Variants in GADL1 observed in about 807,000 individuals in gnomAD.
The protein encoded by GADL1 is GAD like acidic amino acid decarboxylase 1.
In GADL1, 71 loss-of-function variants were observed where a neutral mutation model predicts 69.5. That is an observed-to-expected ratio of 1.02 (90% CI 0.84 to 1.25). The LOEUF (loss-of-function observed/expected upper bound fraction) is 1.25, where lower values mean the gene tolerates loss of function less well. Among genes scored for constraint, GADL1 ranks in the 50% most tolerant of loss-of-function variants. GADL1 has a pLI of 0.00. For missense variants in GADL1, 737 were observed against 631.8 expected (o/e 1.17, Z -1.79); for synonymous variants, 254 against 214.4 (o/e 1.18, Z -1.62).
intron 11 of GADL1, among the ~76,000 whole-genome samples, chr3:30,820,551 T>A (rs1697554661): frequency 6.6e-6 from 1 of 152,180 alleles, no homozygotes; most frequent in Non-Finnish European, 1.5e-5. Context: ...ACATCAGCCT[T>A]AGCAGTTAGA....
At chr3:30,757,710 C>T (rs1316302322) in intron 14 of GADL1, among the ~76,000 whole-genome samples, 1 of 152,100 alleles carries the variant, frequency 6.6e-6, no homozygotes, top group Non-Finnish European at 1.5e-5. Flanking sequence ...ATCAGATTCA[C>T]AAAATCACAA....
intron 14 of GADL1, among the ~76,000 whole-genome samples, chr3:30,731,143 GC>G (rs1176411568): frequency 6.6e-6 from 1 of 152,190 alleles, no homozygotes; most frequent in Non-Finnish European, 1.5e-5. Context: ...AGCTAGAAGG[GC>G]CACAGACTAT....
At chr3:30,757,541 A>AT (rs1347528225) in intron 14 of GADL1, among the ~76,000 whole-genome samples, 1 of 152,220 alleles carries the variant, frequency 6.6e-6, no homozygotes, top group Non-Finnish European at 1.5e-5. Flanking sequence ...ATGTAATGCT[A>AT]TTAGTAAATA....
Position 30,743,030 on chromosome 3 carries a change from A to G in GADL1, c.1393-14615T>C, listed in dbSNP as rs527600351. Among the ~76,000 whole-genome samples, 20 of 152,044 alleles carry G rather than the reference A, an allele frequency of 1.3e-4. No individual in the cohort carries two copies. In the South Asian group the frequency reaches 3.3e-3, roughly 25 times the overall value. The stretch of plus-strand genomic sequence containing the variant: ...GTATGCTACACCAGCTGACTAATCC[A>G]TCTCCTCAGATGGTTTTTCAGAGTC... On this transcript the variant is annotated intron_variant, in intron 14 of 14. Transcript: ENST00000282538.
At chr3:30,893,185 A>T (rs1409343021) in intron 1 of GADL1, among the ~76,000 whole-genome samples, 1 of 152,218 alleles carries the variant, frequency 6.6e-6, no homozygotes, top group Non-Finnish European at 1.5e-5. Context: ...GTATGTGCTG[A>T]CCCTAGAAAC....
intron 1 of GADL1, among the ~76,000 whole-genome samples, chr3:30,892,893 T>C (rs780037997): frequency 6.6e-6 from 1 of 152,250 alleles, no homozygotes; most frequent in Non-Finnish European, 1.5e-5. Flanking sequence ...TCTTGCTCTG[T>C]CACCTAGGCT....
chr3:30,839,426 G>A (rs946496813), intron 8 of GADL1, among the ~76,000 whole-genome samples: 7 of 149,680 alleles, frequency 4.7e-5, no homozygotes, highest in African/African-American at 1.5e-4. Flanking sequence ...AACTTCAGCT[G>A]CAACAGCAAA....
chr3:30,784,851 G>A (rs1246966116), intron 13 of GADL1, among the ~76,000 whole-genome samples: 1 of 152,102 alleles, frequency 6.6e-6, no homozygotes, highest in African/African-American at 2.4e-5. Flanking sequence ...ACCTGCTCTG[G>A]TCTCTGCCCA....
chr3:30,770,986 ATT>A (rs1255312612), intron 14 of GADL1, among the ~76,000 whole-genome samples: 1 of 152,208 alleles, frequency 6.6e-6, no homozygotes. Context: ...GTAATAACAA[ATT>A]TTATGCGTTG....
intron 11 of GADL1, among the ~76,000 whole-genome samples, chr3:30,824,994 A>C (rs1697659591): frequency 6.6e-6 from 1 of 151,942 alleles, no homozygotes; most frequent in Admixed American, 6.6e-5. Flanking sequence ...AGCCTACCAG[A>C]GAATGAACTA....
chr3:30,853,937 T>C (rs1179903812), intron 4 of GADL1, among the ~76,000 whole-genome samples: 1 of 152,108 alleles, frequency 6.6e-6, no homozygotes, highest in Non-Finnish European at 1.5e-5. Flanking sequence ...TCAATGGCTT[T>C]TTGTTACATT....
chr3:30,730,929 C>T (rs906258187), intron 14 of GADL1, among the ~76,000 whole-genome samples: 30 of 152,040 alleles, frequency 2.0e-4, no homozygotes, highest in African/African-American at 6.8e-4. Context: ...AACCTCTGAC[C>T]CACCATATTG....
At chr3:30,766,208 A>C (rs1020869085) in intron 14 of GADL1, among the ~76,000 whole-genome samples, 1 of 152,202 alleles carries the variant, frequency 6.6e-6, no homozygotes, top group African/African-American at 2.4e-5. Context: ...CCAAGAATGA[A>C]GAGGTGGTAG....
rs1157035954 is a variant in GADL1 at position 30,778,398 on chromosome 3, A to AT, written c.1303-131dup. 3 of 627,904 alleles carry AT rather than the reference A, an allele frequency of 4.8e-6. No homozygotes were observed. In the African/African-American group the frequency reaches 5.6e-5, roughly 12 times the overall value. 38.9% of individuals were successfully genotyped at this position (627,904 alleles called of 1,614,324 possible). A position where few individuals can be genotyped will look rare whatever the true frequency, so the allele number is the denominator to read the frequency against. ...TATAAAATTTTAACATCAGAATCTT[A>AT]TAGAGTAACAATCCCTTCTGCCTTC... On this transcript the variant is annotated intron_variant, in intron 13 of 14. Transcript: ENST00000282538.
intron 14 of GADL1, among the ~76,000 whole-genome samples, chr3:30,739,630 T>C (rs1695588844): frequency 6.6e-6 from 1 of 152,204 alleles, no homozygotes; most frequent in Non-Finnish European, 1.5e-5. Context: ...TATTCAGCTA[T>C]AGTGCATCCT....
At chr3:30,805,006 G>A (rs1421153014) in intron 11 of GADL1, among the ~76,000 whole-genome samples, 1 of 152,190 alleles carries the variant, frequency 6.6e-6, no homozygotes, top group Non-Finnish European at 1.5e-5. Flanking sequence ...ATACAGTAAA[G>A]AGAAGCCAAT....
rs117820639 is a variant in GADL1, at chr3:30,815,399, T to C, written c.1051-14311A>G. Among the ~76,000 whole-genome samples, 3 of 152,270 alleles carry C rather than the reference T, an allele frequency of 2.0e-5. No homozygotes were observed. In the East Asian group the frequency reaches 5.8e-4, roughly 29 times the overall value. Reference sequence around the variant, plus strand: ...TCTGGCACAATTCTAGGTCTCCAGGTATGAGAATTATGGTTTCCAAACCAA... The same window carrying C: ...TCTGGCACAATTCTAGGTCTCCAGGCATGAGAATTATGGTTTCCAAACCAA... On this transcript the variant is annotated intron_variant, in intron 11 of 14. Transcript: ENST00000282538.
chr3:30,809,202 G>A (rs1205769933), intron 11 of GADL1, among the ~76,000 whole-genome samples: 1 of 151,972 alleles, frequency 6.6e-6, no homozygotes, highest in Non-Finnish European at 1.5e-5. Context: ...TTTTTCCTAT[G>A]GCATGTCTTT....
chr3:30,833,436 G>A (rs112624232), intron 11 of GADL1, among the ~76,000 whole-genome samples: 69 of 152,166 alleles, frequency 4.5e-4, no homozygotes, highest in African/African-American at 1.6e-3. Context: ...TTAAGCCCTA[G>A]CTAAGCGTAT....
Sources: allele counts gnomAD v4.1 joint callset (sites outside exome capture counted in the v4.1 genomes callset), GRCh38; gene constraint gnomAD v4.1.1; transcripts MANE v1.5; gene names NCBI Gene and HGNC (gene_info 2026-07-23, HGNC 2026-07-21).